Variants in GFPT2 observed in about 807,000 individuals in gnomAD.
GFPT2 encodes the protein glutamine--fructose-6-phosphate aminotransferase [isomerizing] 2.
A neutral mutation model predicts 85.6 loss-of-function variants in GFPT2; 62 were observed. The observed-to-expected ratio is 0.72, with a 90% CI of 0.59 to 0.90. The LOEUF (loss-of-function observed/expected upper bound fraction) is 0.90. Among genes scored for constraint, GFPT2 ranks in the 40% least tolerant of loss-of-function variants. The pLI is 0.00. For missense variants in GFPT2, 788 were observed against 893.4 expected, an observed-to-expected ratio of 0.88 and a Z score of 1.50; for synonymous variants, 368 against 344.5, an observed-to-expected ratio of 1.07 and a Z score of -0.75.
At chr5:180,344,508 G>T (rs913197676) in intron 1 of GFPT2, among the ~76,000 whole-genome samples, 8 of 152,200 alleles carry the variant, frequency 5.3e-5, no homozygotes, top group African/African-American at 1.9e-4. Flanking sequence ...GGGTTAACAT[G>T]GACCGACTGT....
At chr5:180,310,397 C>T (rs1459215400) in intron 15 of GFPT2, among the ~76,000 whole-genome samples, 3 of 151,774 alleles carry the variant, frequency 2.0e-5, no homozygotes, top group Non-Finnish European at 4.4e-5. Context: ...GCCACTGCGC[C>T]TCACCATCAA....
At chr5:180,310,317 G>A (rs190122237) in intron 15 of GFPT2, among the ~76,000 whole-genome samples, 4 of 151,854 alleles carry the variant, frequency 2.6e-5, no homozygotes, top group African/African-American at 9.7e-5. Context: ...TGGCCAGGCT[G>A]GTCTCGAACT....
At chr5:180,302,272 G>T in intron 18 of GFPT2, 151 bp downstream of exon 18, 1 of 573,148 alleles carries the variant, frequency 1.7e-6, no homozygotes, top group Non-Finnish European at 2.9e-6. Context: ...GGGCGACAGA[G>T]CGAGACTCAA....
At chr5:180,312,188 A>AGGGAGGCG (rs1285279026) in intron 15 of GFPT2, among the ~76,000 whole-genome samples, 9 of 37,264 alleles carry the variant, frequency 2.4e-4, no homozygotes, top group Non-Finnish European at 2.9e-4. Context: ...GCTGAGGACC[A>AGGGAGGCG]GGGAGGCGGG....
intron 1 of GFPT2, among the ~76,000 whole-genome samples, chr5:180,347,921 T>C (rs1310271271): frequency 1.3e-5 from 2 of 152,092 alleles, no homozygotes; most frequent in Non-Finnish European, 2.9e-5. Context: ...ACGCTTGTTT[T>C]GAAAAATCTC....
At chr5:180,348,993 G>GCCTC (rs1373109346) in intron 1 of GFPT2, among the ~76,000 whole-genome samples, 2 of 151,614 alleles carry the variant, frequency 1.3e-5, no homozygotes, top group Non-Finnish European at 2.9e-5. Context: ...ACCCACCTCG[G>GCCTC]CCTCCCAAAG....
chr5:180,317,498 G>A (rs761930339), intron 10 of GFPT2, among the ~76,000 whole-genome samples: 3 of 151,614 alleles, frequency 2.0e-5, no homozygotes, highest in Non-Finnish European at 4.4e-5. Flanking sequence ...AGTGGCTCAC[G>A]CCTGTAATCC....
Position 180,301,166 on chromosome 5 carries a change from C to T in GFPT2, c.*398G>A, listed in dbSNP as rs946398878. 1.9e-5 allele frequency: 4 copies of T among 208,748 alleles called. No individual in the cohort carries two copies. The highest frequency in any genetic ancestry group is 2.4e-4 in the East Asian group (2 of 8,472). The allele number at this position is 208,748 out of a possible 1,614,324, so 12.9% of individuals were successfully genotyped here. On this transcript the variant is annotated 3_prime_UTR_variant, in exon 19 of 19. Coordinates refer to ENST00000253778, the MANE Select transcript of GFPT2 (RefSeq NM_005110.4). ...AGGATGAACAGTTTGGCCGTTACCA[C>T]GGCTACAGAAAGCCACATACTAGAA...
rs767473296 is a variant in GFPT2, at chr5:180,324,855, T to C, written c.637A>G (p.Lys213Glu). 2.5e-6 allele frequency: 4 copies of C among 1,612,136 alleles called. No individual in the cohort carries two copies. The Admixed American group carries it at 6.7e-5, about 27-fold the overall frequency. Residue 213 changes from lysine (K) to glutamate (E), a missense_variant, in exon 8 of 19, where the codon AAG (lysine) becomes GAG (glutamate). Coordinates refer to ENST00000253778, the MANE Select transcript of GFPT2 (RefSeq NM_005110.4). ...ATAGGGATCTGTTCTGTGGAGAGCT[T>C]GTATTTGCTCCGGACTCCGATGAGC... ...PLLIGVRSKY[K>E]LSTEQIPILY...
intron 4 of GFPT2, among the ~76,000 whole-genome samples, chr5:180,331,831 G>A (rs1000423823): frequency 1.3e-5 from 2 of 152,152 alleles, no homozygotes; most frequent in Admixed American, 6.5e-5. Flanking sequence ...CAGCCTGACC[G>A]TGCAGAGAGC....
At chr5:180,301,919 G>C (rs555055613) in intron 18 of GFPT2, among the ~76,000 whole-genome samples, 5 of 151,210 alleles carry the variant, frequency 3.3e-5, no homozygotes, top group African/African-American at 1.2e-4. Flanking sequence ...AACTTTTCTT[G>C]CAAGAATATA....
In GFPT2 at chr5:180,324,795, G is replaced by C. The variant is rs762428878; in HGVS notation, c.676+21C>G. 4 of 1,474,574 alleles carry C rather than the reference G, an allele frequency of 2.7e-6. No homozygotes were observed. The South Asian group carries it at 3.4e-5, about 13-fold the overall frequency. 91.3% of individuals were successfully genotyped at this position (1,474,574 alleles called of 1,614,324 possible). On this transcript the variant is annotated intron_variant, in intron 8 of 18. Transcript: ENST00000253778. ...GCGACACCAGCAGCTGTGCTGTTCC[G>C]GTACTTCTTGAGAAACTTACACGTC... is the stretch of plus-strand genomic sequence containing the variant.
chr5:180,312,416 A>G lies in GFPT2; in HGVS notation c.1546+14T>C. On this transcript the variant is annotated intron_variant, in intron 15 of 18. Coordinates refer to ENST00000253778, the MANE Select transcript of GFPT2 (RefSeq NM_005110.4). ...TAGATCTGAAAACATGGAAAGCTGA[A>G]TTCTAGAACATACCAGGTAAAGATC... 7.4e-7 allele frequency: 1 copy of G among 1,347,958 alleles called. No homozygotes were observed. Among genetic ancestry groups the G allele is most frequent in the Non-Finnish European group, 1.1e-6 (1 of 936,930 alleles). The allele number at this position is 1,347,958 out of a possible 1,614,324, so 83.5% of individuals were successfully genotyped here. A position where few individuals can be genotyped will look rare whatever the true frequency, so the allele number is the denominator to read the frequency against.
intron 9 of GFPT2, 148 bp downstream of exon 9, chr5:180,324,040 G>C: frequency 1.5e-6 from 1 of 672,320 alleles, no homozygotes; most frequent in Non-Finnish European, 2.7e-6. Flanking sequence ...CCAGGCCCAG[G>C]CCCAGGGATG....
At chr5:180,352,347 A>G (rs1267944763) in intron 1 of GFPT2, 1 of 408,332 alleles carries the variant, frequency 2.4e-6, no homozygotes, top group Non-Finnish European at 4.8e-6. Flanking sequence ...AGGAAAAAAA[A>G]AAAAAAAAAA....
In GFPT2 at chr5:180,332,713, T is replaced by C. The variant is rs571956635; in HGVS notation, c.341-1160A>G. ...CCACCACACCCGGCTAATTTTTGTA[T>C]TTTTTTAGTAGAGACAGGGTTTCAC... is the stretch of plus-strand genomic sequence containing the variant. On this transcript the variant is annotated intron_variant, in intron 4 of 18. Transcript: ENST00000253778. 2.0e-5 allele frequency among the ~76,000 whole-genome samples: 3 copies of C among 152,072 alleles called. No individual in the cohort carries two copies. In the South Asian group the frequency reaches 6.2e-4, roughly 32 times the overall value.
intron 9 of GFPT2, among the ~76,000 whole-genome samples, chr5:180,322,868 C>T (rs1764145723): frequency 6.6e-6 from 1 of 151,850 alleles, no homozygotes; most frequent in African/African-American, 2.4e-5. Flanking sequence ...AACCCCATCT[C>T]TACTAAAAAT....
In GFPT2 at chr5:180,301,499, C is replaced by A; in HGVS notation, c.*65G>T. 7.6e-7 allele frequency: 1 copy of A among 1,308,040 alleles called. No homozygotes were observed. Among genetic ancestry groups the A allele is most frequent in the Non-Finnish European group, 1.1e-6 (1 of 900,448 alleles). The allele number at this position is 1,308,040 out of a possible 1,614,324, so 81.0% of individuals were successfully genotyped here. ...GTCCACTTCTCTTCCCATGTAGCAT[C>A]CCTGCTGTTGGGACAGGTCTGGAAT... On this transcript the variant is annotated 3_prime_UTR_variant, in exon 19 of 19. Transcript: ENST00000253778.
chr5:180,309,185 T>TA (rs1490854198), intron 15 of GFPT2, among the ~76,000 whole-genome samples: 1 of 151,930 alleles, frequency 6.6e-6, no homozygotes, highest in Non-Finnish European at 1.5e-5. Context: ...GAGAAGTCTT[T>TA]AAATGTTAGG....
Sources: allele counts gnomAD v4.1 joint callset (sites outside exome capture counted in the v4.1 genomes callset), GRCh38; gene constraint gnomAD v4.1.1; transcripts MANE v1.5; gene names NCBI Gene and HGNC (gene_info 2026-07-23, HGNC 2026-07-21).